The following PTPRD variants were observed in gnomAD, a reference collection of about 807,000 sequenced individuals.
PTPRD encodes the protein receptor-type tyrosine-protein phosphatase delta.
In PTPRD, 34 loss-of-function variants were observed where a neutral mutation model predicts 214.5. The ratio of observed to expected loss-of-function variants is 0.16; its 90% CI spans 0.12 to 0.21. PTPRD has a LOEUF of 0.21. PTPRD is among the 10% of genes least tolerant of loss of function. The pLI, the probability that PTPRD is intolerant of heterozygous loss-of-function variation, is 1.00. For missense variants in PTPRD, 2,545 were observed against 2,398.7 expected (o/e 1.06, Z -1.27); for synonymous variants, 1,128 against 845.7 (o/e 1.33, Z -5.79).
rs560286778 is a variant in PTPRD at position 8,540,795 on chromosome 9, G to C, written c.353-12016C>G. Among the ~76,000 whole-genome samples, 237 of 152,170 alleles carry C rather than the reference G, an allele frequency of 1.6e-3. 1 individual carries two copies. The highest frequency in any genetic ancestry group is 5.5e-3 in the African/African-American group (228 of 41,528). On this transcript the variant is annotated intron_variant, in intron 14 of 45. Coordinates refer to ENST00000381196, the MANE Select transcript of PTPRD (RefSeq NM_002839.4). Reference sequence around the variant, plus strand: ...ACCCTCTAGTCTTTAATAATGTAAGGCAATGGGAGCAAGAGGAACAAAATA... The same window carrying C: ...ACCCTCTAGTCTTTAATAATGTAAGCCAATGGGAGCAAGAGGAACAAAATA...
chr9:8,793,393 C>T (rs1286141627), intron 11 of PTPRD, among the ~76,000 whole-genome samples: 4 of 152,148 alleles, frequency 2.6e-5, no homozygotes, highest in African/African-American at 4.8e-5. Context: ...GGAAAAAGAT[C>T]CTCCAGCCCC....
At chr9:9,036,727 T>G (rs1470399258) in intron 10 of PTPRD, among the ~76,000 whole-genome samples, 1 of 152,140 alleles carries the variant, frequency 6.6e-6, no homozygotes, top group African/African-American at 2.4e-5. Context: ...AATATTAAGA[T>G]TATATTTAAT....
At chr9:9,336,169 T>C (rs114073694) in intron 9 of PTPRD, among the ~76,000 whole-genome samples, 3,532 of 150,894 alleles carry the variant, frequency 0.023, 180 homozygotes, top group African/African-American at 0.083. Context: ...GAAACAAAGA[T>C]AGGCTCTTTG....
chr9:9,337,521 C>T (rs1442975938), intron 9 of PTPRD, among the ~76,000 whole-genome samples: 1 of 152,152 alleles, frequency 6.6e-6, no homozygotes, highest in Non-Finnish European at 1.5e-5. Flanking sequence ...ATGTTTCTCA[C>T]TTTAAATTAA....
chr9:8,853,868 C>G (rs942273388), intron 11 of PTPRD, among the ~76,000 whole-genome samples: 1 of 152,050 alleles, frequency 6.6e-6, no homozygotes, highest in African/African-American at 2.4e-5. Flanking sequence ...TTCAAAGAAA[C>G]TGAACAGTAG....
At chr9:10,276,659 A>C (rs770242609) in intron 3 of PTPRD, among the ~76,000 whole-genome samples, 1 of 152,246 alleles carries the variant, frequency 6.6e-6, no homozygotes, top group Non-Finnish European at 1.5e-5. Flanking sequence ...ATTGATTAAA[A>C]GATACATATA....
At chr9:9,986,243 AT>A (rs772668990) in intron 4 of PTPRD, among the ~76,000 whole-genome samples, 6 of 152,170 alleles carry the variant, frequency 3.9e-5, no homozygotes, top group Non-Finnish European at 7.4e-5. Context: ...TGATCCAAAA[AT>A]TCCACATCTA....
intron 7 of PTPRD, among the ~76,000 whole-genome samples, chr9:9,698,323 G>A (rs1041616096): frequency 3.9e-5 from 6 of 152,152 alleles, no homozygotes; most frequent in Admixed American, 3.3e-4. Flanking sequence ...TAGTTACTGA[G>A]TATCTTTTCT....
At chr9:10,158,003 T>TTTTGTTTG (rs71485324) in intron 3 of PTPRD, among the ~76,000 whole-genome samples, 4,544 of 151,022 alleles carry the variant, frequency 0.03, 155 homozygotes, top group African/African-American at 0.077. Context: ...GTTTATGGTT[T>TTTTGTTTG]TTTGTTTGTT....
chr9:8,487,680 C>T (rs2097056356), intron 27 of PTPRD, among the ~76,000 whole-genome samples: 1 of 152,078 alleles, frequency 6.6e-6, no homozygotes, highest in Non-Finnish European at 1.5e-5. Context: ...TGTGGTGGTG[C>T]ATGCCTGTAA....
chr9:8,970,661 T>G (rs1004536509), intron 11 of PTPRD, among the ~76,000 whole-genome samples: 1 of 151,756 alleles, frequency 6.6e-6, no homozygotes, highest in African/African-American at 2.4e-5. Context: ...TCAGAGCACA[T>G]AAAATTGACA....
chr9:9,934,334 C>T (rs547694956), intron 5 of PTPRD, among the ~76,000 whole-genome samples: 1 of 150,450 alleles, frequency 6.6e-6, no homozygotes, highest in South Asian at 2.1e-4. Context: ...GCTAGCAAGA[C>T]TAATAAAGAA....
At chr9:10,067,860 T>C (rs1204989226) in intron 3 of PTPRD, among the ~76,000 whole-genome samples, 1 of 151,898 alleles carries the variant, frequency 6.6e-6, no homozygotes, top group Non-Finnish European at 1.5e-5. Flanking sequence ...GCCTAGATTG[T>C]AGCACTTGCC....
intron 3 of PTPRD, among the ~76,000 whole-genome samples, chr9:10,146,092 T>A (rs1306513010): frequency 6.6e-6 from 1 of 151,670 alleles, no homozygotes; most frequent in Non-Finnish European, 1.5e-5. Flanking sequence ...ATTTTTTCCT[T>A]ATGTCTTATT....
At chr9:9,052,496 G>C (rs954537686) in intron 10 of PTPRD, among the ~76,000 whole-genome samples, 1 of 152,172 alleles carries the variant, frequency 6.6e-6, no homozygotes, top group Non-Finnish European at 1.5e-5. Context: ...GTTGTTCAAT[G>C]TATGAGTAAA....
intron 7 of PTPRD, among the ~76,000 whole-genome samples, chr9:9,629,621 G>A (rs950789134): frequency 2.6e-5 from 4 of 152,158 alleles, no homozygotes; most frequent in Non-Finnish European, 5.9e-5. Flanking sequence ...TTACTGAGGA[G>A]TGACAGATCA....
chr9:8,625,662 AT>A lies in PTPRD; in HGVS notation c.352+7654del, dbSNP rs139701623. Among the ~76,000 whole-genome samples the A allele has an allele frequency of 7.9e-3, 1,197 of 151,898 alleles. 22 individuals are homozygous for A. Among genetic ancestry groups the A allele is most frequent in the African/African-American group, 0.026 (1,075 of 41,486 alleles). ...TACACTTATGACCAAAAATCTATCA[AT>A]TAAAAAAAAATCTACTGTGTTAAAG... On this transcript the variant is annotated intron_variant, in intron 14 of 45. Coordinates refer to ENST00000381196, the MANE Select transcript of PTPRD (RefSeq NM_002839.4).
chr9:8,902,993 T>G (rs1363412804), intron 11 of PTPRD, among the ~76,000 whole-genome samples: 2 of 152,158 alleles, frequency 1.3e-5, no homozygotes, highest in Admixed American at 1.3e-4. Context: ...GAAAATGAAT[T>G]TAGAATGAAG....
At chr9:10,009,100 T>C (rs1017363875) in intron 4 of PTPRD, among the ~76,000 whole-genome samples, 2 of 152,022 alleles carry the variant, frequency 1.3e-5, no homozygotes, top group East Asian at 3.9e-4. Flanking sequence ...TTACCTAATG[T>C]CATAGAAAGT....
Sources: allele counts gnomAD v4.1 joint callset (sites outside exome capture counted in the v4.1 genomes callset), GRCh38; gene constraint gnomAD v4.1.1; transcripts MANE v1.5; gene names NCBI Gene and HGNC (gene_info 2026-07-23, HGNC 2026-07-21).